The following NTM variants were observed in gnomAD, a reference collection of about 807,000 sequenced individuals.
The protein encoded by NTM is IgLON family member 2.
Under a neutral mutation model 42.1 loss-of-function variants are expected in NTM, and 13 were observed. The ratio of observed to expected loss-of-function variants is 0.31; its 90% CI spans 0.20 to 0.49. The LOEUF is 0.49. Among genes scored for constraint, NTM ranks in the 20% least tolerant of loss-of-function variants. The pLI is 0.99. For missense variants in NTM, 373 were observed against 452.8 expected (o/e 0.82, Z 1.60); for synonymous variants, 187 against 179.2 (o/e 1.04, Z -0.35).
At chr11:131,493,977 TCTTATA>T (rs1955069403) in intron 1 of NTM, among the ~76,000 whole-genome samples, 2 of 152,170 alleles carry the variant, frequency 1.3e-5, no homozygotes, top group Admixed American at 6.5e-5. Flanking sequence ...TACCTTTTAT[TCTTATA>T]CTGCTAAATA....
intron 1 of NTM, among the ~76,000 whole-genome samples, chr11:131,675,849 G>T (rs1023117120): frequency 7.2e-5 from 11 of 152,186 alleles, no homozygotes; most frequent in Non-Finnish European, 1.3e-4. Context: ...TCCCCTAAAA[G>T]AAAATGGCCC....
intron 1 of NTM, among the ~76,000 whole-genome samples, chr11:131,831,124 T>C (rs528591092): frequency 6.6e-6 from 1 of 152,212 alleles, no homozygotes; most frequent in Non-Finnish European, 1.5e-5. Flanking sequence ...AAAGATAGTT[T>C]GACTTCTTTT....
intron 1 of NTM, among the ~76,000 whole-genome samples, chr11:131,800,720 A>T (rs2136225167): frequency 6.6e-6 from 1 of 152,240 alleles, no homozygotes; most frequent in African/African-American, 2.4e-5. Flanking sequence ...CTATGGTTGC[A>T]AGGAGATTTC....
intron 2 of NTM, among the ~76,000 whole-genome samples, chr11:131,970,912 A>G (rs2063447935): frequency 6.6e-6 from 1 of 152,160 alleles, no homozygotes; most frequent in Non-Finnish European, 1.5e-5. Context: ...ATTTCATTAA[A>G]TGTGCATGTG....
chr11:132,044,837 T>C (rs1051405023), intron 2 of NTM, among the ~76,000 whole-genome samples: 3 of 151,282 alleles, frequency 2.0e-5, no homozygotes, highest in African/African-American at 7.3e-5. Flanking sequence ...CAGGAAGAAA[T>C]TGAATCCTTG....
intron 4 of NTM, among the ~76,000 whole-genome samples, chr11:132,224,673 G>T (rs867201951): frequency 3.3e-5 from 5 of 152,304 alleles, no homozygotes; most frequent in Middle Eastern, 3.4e-3. Context: ...AAGTCTTCCT[G>T]TGGTCCAGAG....
intron 1 of NTM, among the ~76,000 whole-genome samples, chr11:131,459,656 A>G (rs1273329768): frequency 1.3e-5 from 2 of 151,992 alleles, no homozygotes; most frequent in African/African-American, 4.9e-5. Context: ...AGTAAATTTC[A>G]TGTTTTAAAT....
intron 1 of NTM, among the ~76,000 whole-genome samples, chr11:131,906,781 CCTT>C (rs957133555): frequency 6.6e-6 from 1 of 152,068 alleles, no homozygotes; most frequent in African/African-American, 2.4e-5. Context: ...TTCATATCCT[CCTT>C]CTCAGTTCTC....
At chr11:131,483,719 C>T (rs960885300) in intron 1 of NTM, among the ~76,000 whole-genome samples, 3 of 152,246 alleles carry the variant, frequency 2.0e-5, no homozygotes, top group African/African-American at 7.2e-5. Flanking sequence ...CGCTGCGTTT[C>T]ACCCTGCGTG....
chr11:131,985,733 A>G (rs1294796006), intron 2 of NTM, among the ~76,000 whole-genome samples: 1 of 152,216 alleles, frequency 6.6e-6, no homozygotes, highest in East Asian at 1.9e-4. Context: ...ATTCAGTCAC[A>G]GTGTCACGTA....
In NTM at chr11:132,056,594, A is replaced by C. The variant is rs187388662; in HGVS notation, c.168-89688A>C. Among the ~76,000 whole-genome samples, 114 of 152,372 alleles carry C rather than the reference A, an allele frequency of 7.5e-4. 3 individuals carry two copies. In the East Asian group the frequency reaches 0.019, roughly 25 times the overall value. On this transcript the variant is annotated intron_variant, in intron 2 of 8. Transcript: ENST00000683400. ...ACGTCAATGAATGAATTAATCAATGAATGGAGAGACAAGGAGAATCAGACT... is the reference window on the plus strand; with the variant it reads ...ACGTCAATGAATGAATTAATCAATGCATGGAGAGACAAGGAGAATCAGACT...
chr11:131,494,928 T>G (rs1955176512), intron 1 of NTM, among the ~76,000 whole-genome samples: 1 of 152,222 alleles, frequency 6.6e-6, no homozygotes, highest in Non-Finnish European at 1.5e-5. Context: ...TGTGCTTCAT[T>G]AAAATATGTA....
chr11:132,335,061 G>C lies in NTM; in HGVS notation c.983G>C (p.Ser328Thr), dbSNP rs775370023. ...CTCTCCACAGGTCCAGGCGCCGTCA[G>C]CGAGGTGAGCAACGGCACGTCGAGG... The part of the protein sequence containing the change: ...LTPWKGPGAV[S>T]EVSNGTSRRA... The change falls in exon 9 of 9, where the codon AGC becomes ACC. Residue 328 changes from serine to threonine, a missense_variant. Physicochemically the swap from Ser to Thr is moderately conservative, Grantham distance 58. This residue lies in a region of NTM where 312 missense variants were observed against 353.5 expected (regional missense o/e 0.88). Coordinates refer to ENST00000683400, the MANE Select transcript of NTM (RefSeq NM_001352005.2). 1.2e-6 allele frequency: 2 copies of C among 1,612,396 alleles called. No homozygotes were observed. Among genetic ancestry groups the C allele is most frequent in the Non-Finnish European group, 1.7e-6 (2 of 1,179,966 alleles).
chr11:131,849,010 A>C (rs1455471687), intron 1 of NTM, among the ~76,000 whole-genome samples: 1 of 152,216 alleles, frequency 6.6e-6, no homozygotes, highest in Non-Finnish European at 1.5e-5. Flanking sequence ...TGTTTTCTGA[A>C]CTATAAAATA....
intron 1 of NTM, among the ~76,000 whole-genome samples, chr11:131,591,160 T>C (rs2059330508): frequency 6.6e-6 from 1 of 152,200 alleles, no homozygotes. Flanking sequence ...CTCAAATTCC[T>C]CACCTCCTCC....
intron 2 of NTM, chr11:131,921,988 G>C (rs1215151146): frequency 6.6e-6 from 1 of 152,510 alleles, no homozygotes; most frequent in Admixed American, 6.6e-5. Context: ...TTTACTCTCT[G>C]GACTTAATGA....
chr11:131,717,996 A>G (rs1423096976), intron 1 of NTM, among the ~76,000 whole-genome samples: 1 of 152,206 alleles, frequency 6.6e-6, no homozygotes, highest in Non-Finnish European at 1.5e-5. Flanking sequence ...GTTTGTTAAT[A>G]TGATGAAGTA....
intron 1 of NTM, among the ~76,000 whole-genome samples, chr11:131,425,959 T>C (rs1469680536): frequency 6.6e-6 from 1 of 152,098 alleles, no homozygotes; most frequent in African/African-American, 2.4e-5. Context: ...TAGCTGGTAA[T>C]GTGTGCAGAA....
chr11:131,632,042 C>T (rs2063710360), intron 1 of NTM, among the ~76,000 whole-genome samples: 1 of 152,118 alleles, frequency 6.6e-6, no homozygotes, highest in African/African-American at 2.4e-5. Context: ...TATTCTGAAA[C>T]AATTTTTCAA....
Sources: allele counts gnomAD v4.1 joint callset (sites outside exome capture counted in the v4.1 genomes callset), GRCh38; gene constraint gnomAD v4.1.1; regional missense constraint gnomAD v4.1.1; transcripts MANE v1.5; gene names NCBI Gene and HGNC (gene_info 2026-07-23, HGNC 2026-07-21).